Variants in PCDHA9 observed in about 807,000 individuals in gnomAD.
The protein encoded by PCDHA9 is protocadherin alpha 9, also known as protocadherin alpha-9.
In PCDHA9, 62 loss-of-function variants were observed where a neutral mutation model predicts 62.0. The ratio of observed to expected loss-of-function variants is 1.00; its 90% CI spans 0.81 to 1.23. The LOEUF (loss-of-function observed/expected upper bound fraction) is 1.23. Ranked by LOEUF, PCDHA9 falls within the 50% of genes most tolerant of loss-of-function variation. The pLI is 0.00. For synonymous variants in PCDHA9, 557 were observed against 567.6 expected (o/e 0.98, Z 0.27); for missense variants, 1,205 against 1,249.8 (o/e 0.96, Z 0.54).
At chr5:140,928,529 T>C in intron 1 of PCDHA9, 7 of 1,614,226 alleles carry the variant, frequency 4.3e-6, no homozygotes, top group Non-Finnish European at 4.2e-6. Flanking sequence ...TTGTTTGTGG[T>C]AGATAGGAAT....
intron 1 of PCDHA9, among the ~76,000 whole-genome samples, chr5:140,940,057 A>G (rs2092538975): frequency 6.6e-6 from 1 of 152,224 alleles, no homozygotes; most frequent in African/African-American, 2.4e-5. Flanking sequence ...TTCTTAACCA[A>G]ATATAAATAT....
At chr5:140,889,949 A>G (rs1444545834) in intron 1 of PCDHA9, among the ~76,000 whole-genome samples, 1 of 152,202 alleles carries the variant, frequency 6.6e-6, no homozygotes, top group South Asian at 2.1e-4. Flanking sequence ...GAGAAGCCAA[A>G]TGGATAGAAA....
rs1032326497 is a variant in PCDHA9, at chr5:140,858,875, C to A, written c.2394+7986C>A. ...TATCTCTTCAGTGAAAATGTGTTTT[C>A]CTCCATGTGTAGAATATGTGTAGCG... On this transcript the variant is annotated intron_variant, in intron 1 of 3. Transcript: ENST00000532602. 1.2e-5 allele frequency: 3 copies of A among 246,542 alleles called. No homozygotes were observed. The East Asian group carries it at 3.3e-4, about 27-fold the overall frequency. 15.3% of individuals were successfully genotyped at this position (246,542 alleles called of 1,614,324 possible).
chr5:140,910,958 C>G (rs571427431), intron 1 of PCDHA9, among the ~76,000 whole-genome samples: 2 of 152,220 alleles, frequency 1.3e-5, no homozygotes, highest in East Asian at 3.9e-4. Context: ...TCGAGTGTAG[C>G]ACACCTCCTC....
rs2150418084 is a variant in PCDHA9 at position 140,848,701 on chromosome 5, A to G, written c.206A>G (p.Lys69Arg). The G allele has an allele frequency of 3.1e-6, 5 of 1,592,360 alleles. 1 individual carries two copies. In the South Asian group the frequency reaches 4.4e-5, roughly 14 times the overall value. Residue 69 changes from lysine to arginine, a missense_variant, in exon 1 of 4, where the codon AAA (lysine) becomes AGA (arginine). Lys to Arg is a conservative substitution (Grantham distance 26). Around this residue, in one of 3 missense-constraint regions of PCDHA9, gnomAD observed 208 missense variants for 213.2 expected, o/e 0.98. Transcript: ENST00000532602. Reference sequence around the variant, plus strand: ...CCGCGCCTGTTCCAGTTGGATTCCAAAGGCCGCGGGGACCTTCTGGAGGTA... The same window carrying G: ...CCGCGCCTGTTCCAGTTGGATTCCAGAGGCCGCGGGGACCTTCTGGAGGTA... ...LVPRLFQLDS[K>R]GRGDLLEVNL...
chr5:140,966,837 T>C, intron 1 of PCDHA9: 1 of 1,566,152 alleles, frequency 6.4e-7, no homozygotes. Context: ...CCCTGGCTGC[T>C]GCTACTGCCT....
At chr5:140,895,671 T>C (rs1014778982) in intron 1 of PCDHA9, among the ~76,000 whole-genome samples, 5 of 152,184 alleles carry the variant, frequency 3.3e-5, no homozygotes, top group African/African-American at 4.8e-5. Context: ...GAACATGTAG[T>C]ATTTGGTTTT....
intron 1 of PCDHA9, chr5:140,882,663 T>C (rs782768442): frequency 4.0e-5 from 65 of 1,614,026 alleles, no homozygotes; most frequent in Non-Finnish European, 5.3e-5. Flanking sequence ...AACCCGCCCA[T>C]ATTCCCTGAA....
At chr5:140,966,692 G>A in intron 1 of PCDHA9, 2 of 1,352,080 alleles carry the variant, frequency 1.5e-6, no homozygotes, top group East Asian at 2.9e-5. Context: ...CGGAGGCGGG[G>A]CCCGGGCGTG....
intron 1 of PCDHA9, among the ~76,000 whole-genome samples, chr5:140,909,427 T>C (rs777444474): frequency 5.8e-4 from 88 of 152,174 alleles, no homozygotes; most frequent in Non-Finnish European, 6.5e-4. Context: ...GTTAAACTTA[T>C]GATAATCCAC....
chr5:140,944,743 T>A (rs1307968034), intron 1 of PCDHA9, among the ~76,000 whole-genome samples: 2 of 152,238 alleles, frequency 1.3e-5, no homozygotes, highest in East Asian at 3.8e-4. Flanking sequence ...TCTGAGCATT[T>A]ACATGGAAAA....
intron 1 of PCDHA9, chr5:140,855,829 C>A: frequency 1.8e-6 from 1 of 560,298 alleles, no homozygotes; most frequent in East Asian, 2.9e-5. Flanking sequence ...CTCATGGAAT[C>A]GTACTTACAC....
chr5:141,002,023 G>GC (rs1479327416), intron 3 of PCDHA9, among the ~76,000 whole-genome samples: 4 of 152,186 alleles, frequency 2.6e-5, no homozygotes, highest in Admixed American at 6.5e-5. Flanking sequence ...ACAGCCTTCG[G>GC]TGCCCTGACT....
chr5:140,849,689 G>A lies in PCDHA9; in HGVS notation c.1194G>A (p.Val398=). The A allele has an allele frequency of 6.3e-7, 1 of 1,598,668 alleles. No homozygotes were observed. The highest frequency in any genetic ancestry group is 1.1e-5 in the South Asian group (1 of 90,544). ...CGCCCCACGTCCCCTTCAAGCTGGT[G>A]TCCACCTACAAGAATTACTACTCGT... The part of the protein sequence containing the change: ...SLTPHVPFKL[V]STYKNYYSLV... Residue 398 remains valine, a synonymous_variant, in exon 1 of 4, where the codon GTG becomes GTA. Coordinates refer to ENST00000532602, the MANE Select transcript of PCDHA9 (RefSeq NM_031857.2).
intron 3 of PCDHA9, among the ~76,000 whole-genome samples, chr5:140,993,088 CTA>C (rs1420227988): frequency 6.6e-6 from 1 of 152,202 alleles, no homozygotes; most frequent in Non-Finnish European, 1.5e-5. Flanking sequence ...ATCAGCAGGG[CTA>C]TGTTTATTCA....
At position 140,848,466 on chromosome 5, in the gene PCDHA9, C is replaced by T. The variant is rs2150410896; in HGVS notation, c.-30C>T. 2.6e-6 allele frequency: 4 copies of T among 1,545,340 alleles called. No homozygotes were observed. In the South Asian group the frequency reaches 3.6e-5, roughly 14 times the overall value. ...TTTCTTCTAATTTGGAGGCAATTTTCACTAATTAGAAGAAGACTGAGTATT... is the reference window on the plus strand; with the variant it reads ...TTTCTTCTAATTTGGAGGCAATTTTTACTAATTAGAAGAAGACTGAGTATT... On this transcript the variant is annotated 5_prime_UTR_variant, in exon 1 of 4. Transcript: ENST00000532602.
chr5:140,856,991 T>A, intron 1 of PCDHA9: 1 of 1,595,770 alleles, frequency 6.3e-7, no homozygotes, highest in Non-Finnish European at 8.6e-7. Flanking sequence ...CAGTAACACT[T>A]ATGAAATTCA....
rs1554142316 is a variant in PCDHA9 at position 140,848,633 on chromosome 5, C to T, written c.138C>T (p.Gly46=). 3 of 1,593,314 alleles carry T rather than the reference C, an allele frequency of 1.9e-6. No individual in the cohort carries two copies. The highest frequency in any genetic ancestry group is 2.6e-6 in the Non-Finnish European group (3 of 1,163,924). ...AAGCCGAACACGGCACCTTCGTGGGCCGCATCGCGCAGGACCTGGGGCTGG... is the reference window on the plus strand; with the variant it reads ...AAGCCGAACACGGCACCTTCGTGGGTCGCATCGCGCAGGACCTGGGGCTGG... ...PEEAEHGTFV[G]RIAQDLGLEL... The change falls in exon 1 of 4, where the codon GGC becomes GGT. Residue 46 remains glycine (G), a synonymous_variant. Coordinates refer to ENST00000532602, the MANE Select transcript of PCDHA9 (RefSeq NM_031857.2).
intron 1 of PCDHA9, chr5:140,875,266 A>G (rs1262893019): frequency 8.3e-7 from 1 of 1,202,212 alleles, no homozygotes. Flanking sequence ...ATGTCGCTCT[A>G]CACTCAGAAG....
Sources: gnomAD v4.1 joint callset for allele counts (sites outside exome capture counted in the v4.1 genomes callset) on GRCh38, gnomAD v4.1.1 for gene constraint, gnomAD v4.1.1 regional missense constraint, MANE v1.5 for transcripts, NCBI Gene and HGNC (gene_info 2026-07-23, HGNC 2026-07-21) for gene names.